Variants in NETO1 observed in about 807,000 individuals in gnomAD.
NETO1 encodes neuropilin and tolloid like 1, also known as neuropilin and tolloid-like protein 1.
NETO1 carries 26 observed loss-of-function variants against 61.3 expected under a neutral mutation model. The ratio of observed to expected loss-of-function variants is 0.42; its 90% CI spans 0.31 to 0.59. The LOEUF is 0.59. Among genes scored for constraint, NETO1 ranks in the 20% least tolerant of loss-of-function variants. The pLI, the probability that NETO1 is intolerant of heterozygous loss-of-function variation, is 0.12. For missense variants in NETO1, 531 were observed against 662.8 expected (o/e 0.80, Z 2.18); for synonymous variants, 225 against 225.8 (o/e 1.00, Z 0.03).
At chr18:72,861,230 G>A (rs1212066646) in intron 3 of NETO1, among the ~76,000 whole-genome samples, 2 of 152,202 alleles carry the variant, frequency 1.3e-5, no homozygotes, top group African/African-American at 2.4e-5. Context: ...AGGCAACATT[G>A]TATGTGGATG....
At chr18:72,760,460 G>A (rs1224475312) in intron 7 of NETO1, among the ~76,000 whole-genome samples, 2 of 152,180 alleles carry the variant, frequency 1.3e-5, no homozygotes, top group East Asian at 1.9e-4. Context: ...AGAGAGCCCA[G>A]CTGTGATTTG....
chr18:72,773,006 T>C (rs944091168), intron 7 of NETO1, among the ~76,000 whole-genome samples: 1 of 151,458 alleles, frequency 6.6e-6, no homozygotes, highest in African/African-American at 2.4e-5. Context: ...AGCTCAGTAA[T>C]TTACTTAGCT....
chr18:72,764,589 C>T lies in NETO1; in HGVS notation c.869-8442G>A, dbSNP rs139823058. Among the ~76,000 whole-genome samples the T allele has an allele frequency of 6.1e-4, 93 of 152,138 alleles. No homozygotes were observed. In the East Asian group the frequency reaches 0.017, roughly 29 times the overall value. ...TCATCAGACACAGAGCCCCCACTAACGAGGGGGCTTACATCCCCAGCTCTG... is the reference window on the plus strand; with the variant it reads ...TCATCAGACACAGAGCCCCCACTAATGAGGGGGCTTACATCCCCAGCTCTG... On this transcript the variant is annotated intron_variant, in intron 7 of 10. Transcript: ENST00000327305.
chr18:72,824,822 T>C (rs891029034), intron 4 of NETO1, among the ~76,000 whole-genome samples: 1 of 152,038 alleles, frequency 6.6e-6, no homozygotes, highest in African/African-American at 2.4e-5. Context: ...GAGGCTGCAG[T>C]GAGCCAAGAT....
chr18:72,841,062 T>A (rs2105707), intron 4 of NETO1, among the ~76,000 whole-genome samples: 146,213 of 152,272 alleles, frequency 0.96, 70,288 homozygotes, highest in Non-Finnish European at 0.99. Flanking sequence ...TTTTGGTGAC[T>A]ACTCTTCTTC....
chr18:72,806,005 T>C (rs1378188492), intron 4 of NETO1, among the ~76,000 whole-genome samples: 1 of 152,140 alleles, frequency 6.6e-6, no homozygotes, highest in African/African-American at 2.4e-5. Flanking sequence ...AGCTGTGTGT[T>C]GAAAGCTAAT....
At chr18:72,823,594 G>C (rs2073279933) in intron 4 of NETO1, among the ~76,000 whole-genome samples, 1 of 152,112 alleles carries the variant, frequency 6.6e-6, no homozygotes, top group Non-Finnish European at 1.5e-5. Flanking sequence ...AAAGGATGGA[G>C]GTGTGGGCAG....
At chr18:72,795,369 AGG>A (rs1320343212) in intron 4 of NETO1, among the ~76,000 whole-genome samples, 1 of 152,202 alleles carries the variant, frequency 6.6e-6, no homozygotes, top group African/African-American at 2.4e-5. Flanking sequence ...TCAATGTTGA[AGG>A]TGTTAATATA....
intron 4 of NETO1, among the ~76,000 whole-genome samples, chr18:72,821,690 G>A (rs931717479): frequency 6.6e-6 from 1 of 152,128 alleles, no homozygotes; most frequent in African/African-American, 2.4e-5. Flanking sequence ...TGCATAGGGT[G>A]GCTATCATCT....
At chr18:72,818,045 A>T (rs1362450112) in intron 4 of NETO1, among the ~76,000 whole-genome samples, 3 of 152,198 alleles carry the variant, frequency 2.0e-5, no homozygotes, top group Non-Finnish European at 4.4e-5. Context: ...ACATGAAATC[A>T]TCCATCTTTT....
At chr18:72,866,220 G>A (rs2074728613) in intron 1 of NETO1, among the ~76,000 whole-genome samples, 1 of 152,018 alleles carries the variant, frequency 6.6e-6, no homozygotes, top group Admixed American at 6.6e-5. Flanking sequence ...TGAATTCGGG[G>A]GAGAGAACAA....
intron 4 of NETO1, among the ~76,000 whole-genome samples, chr18:72,802,836 T>C (rs1437654941): frequency 6.6e-6 from 1 of 152,252 alleles, no homozygotes; most frequent in African/African-American, 2.4e-5. Flanking sequence ...ATCATCATGA[T>C]GAAGCATTAA....
rs572474368 is a variant in NETO1, at chr18:72,819,027, G to A, written c.470-24623C>T. Among the ~76,000 whole-genome samples the A allele has an allele frequency of 2.6e-4, 40 of 152,238 alleles. 1 individual carries two copies. In the South Asian group the frequency reaches 7.9e-3, roughly 30 times the overall value. On this transcript the variant is annotated intron_variant, in intron 4 of 10. Coordinates refer to ENST00000327305, the MANE Select transcript of NETO1 (RefSeq NM_138966.5). ...ATGTTTTTGCATAAGAAACTCTATA[G>A]AGCTGTCCTTTATTTTTTTAATCTA...
intron 4 of NETO1, among the ~76,000 whole-genome samples, chr18:72,819,167 T>C (rs544598820): frequency 6.6e-6 from 1 of 152,114 alleles, no homozygotes; most frequent in Non-Finnish European, 1.5e-5. Context: ...TCTTTCTCTC[T>C]CCCTCTCTCA....
At chr18:72,851,894 A>T (rs1271587161) in intron 4 of NETO1, among the ~76,000 whole-genome samples, 1 of 152,208 alleles carries the variant, frequency 6.6e-6, no homozygotes, top group Non-Finnish European at 1.5e-5. Context: ...TATATAACTG[A>T]TACACAAGTA....
intron 4 of NETO1, among the ~76,000 whole-genome samples, chr18:72,802,376 G>A (rs933483125): frequency 1.3e-5 from 2 of 152,172 alleles, no homozygotes; most frequent in African/African-American, 4.8e-5. Context: ...CCAGGACACT[G>A]CCACTTTCCC....
intron 4 of NETO1, among the ~76,000 whole-genome samples, chr18:72,801,539 T>A (rs972242791): frequency 3.3e-4 from 51 of 152,318 alleles, no homozygotes; most frequent in African/African-American, 1.2e-3. Context: ...ACATACATTT[T>A]CAGAGATTAG....
intron 4 of NETO1, 78 bp downstream of exon 4, chr18:72,858,748 G>T: frequency 7.4e-7 from 1 of 1,343,114 alleles, no homozygotes; most frequent in African/African-American, 1.5e-5. Flanking sequence ...GTATAATGTT[G>T]TCTTACACAA....
intron 3 of NETO1, among the ~76,000 whole-genome samples, chr18:72,860,541 T>C (rs2074539685): frequency 6.6e-6 from 1 of 152,178 alleles, no homozygotes; most frequent in South Asian, 2.1e-4. Context: ...TTAAAGGCAA[T>C]TCATTTTTAA....
Sources: allele counts gnomAD v4.1 joint callset (sites outside exome capture counted in the v4.1 genomes callset), GRCh38; gene constraint gnomAD v4.1.1; transcripts MANE v1.5; gene names NCBI Gene and HGNC (gene_info 2026-07-23, HGNC 2026-07-21).